Variants in RYR1 observed in about 807,000 individuals in gnomAD.
RYR1 encodes the protein central core disease of muscle.
Under a neutral mutation model 583.5 loss-of-function variants are expected in RYR1, and 342 were observed. That is an observed-to-expected ratio of 0.59 (90% CI 0.54 to 0.64). The LOEUF (loss-of-function observed/expected upper bound fraction) is 0.64. Among genes scored for constraint, RYR1 ranks in the 30% least tolerant of loss-of-function variants. The pLI is 0.00. For synonymous variants in RYR1, 2,791 were observed against 2,822.5 expected, an observed-to-expected ratio of 0.99 and a Z score of 0.35; for missense variants, 6,032 against 6,917.2, an observed-to-expected ratio of 0.87 and a Z score of 4.54.
chr19:38,494,200 A>C, intron 38 of RYR1, 152 bp from the exon 39 acceptor site: 1 of 818,684 alleles, frequency 1.2e-6, no homozygotes, highest in Non-Finnish European at 2.0e-6. Flanking sequence ...ATCTGCTAGA[A>C]TCTGCCTGCT....
intron 31 of RYR1, among the ~76,000 whole-genome samples, chr19:38,480,481 A>G (rs1968954756): frequency 6.6e-6 from 1 of 152,018 alleles, no homozygotes; most frequent in African/African-American, 2.4e-5. Context: ...TTCCACACCC[A>G]CTGGATAATT....
rs749495512 is a variant in RYR1, at chr19:38,506,341, C to T, written c.8580C>T (p.Pro2860=). 5.6e-6 allele frequency: 9 copies of T among 1,613,650 alleles called. No homozygotes were observed. In the African/African-American group the frequency reaches 9.4e-5, roughly 17 times the overall value. The stretch of plus-strand genomic sequence containing the variant: ...GAGAAGGCTACAACCCTCAGCCCCC[C>T]GACCTTAGTGCTGTTACCCTGTCCC... ...DPREGYNPQP[P]DLSAVTLSRE... Residue 2860 remains proline (P), a synonymous_variant, in exon 55 of 106, where the codon CCC becomes CCT. Coordinates refer to ENST00000359596, the MANE Select transcript of RYR1 (RefSeq NM_000540.3).
intron 96 of RYR1, among the ~76,000 whole-genome samples, chr19:38,574,588 T>C (rs1973873009): frequency 6.6e-6 from 1 of 151,842 alleles, no homozygotes; most frequent in Admixed American, 6.6e-5. Flanking sequence ...GCTATGATTA[T>C]GCCACTGTCC....
intron 67 of RYR1, among the ~76,000 whole-genome samples, chr19:38,520,178 G>A (rs752648781): frequency 6.7e-6 from 1 of 150,252 alleles, no homozygotes; most frequent in Non-Finnish European, 1.5e-5. Flanking sequence ...GGGTTCAAGC[G>A]ATCCTCTGCT....
Position 38,473,770 on chromosome 19 carries a change from G to A in RYR1, c.4159G>A (p.Gly1387Ser), listed in dbSNP as rs1171218244. The A allele has an allele frequency of 1.3e-6, 2 of 1,523,208 alleles. No individual in the cohort carries two copies. The highest frequency in any genetic ancestry group is 1.8e-6 in the Non-Finnish European group (2 of 1,133,834). 94.4% of individuals were successfully genotyped at this position (1,523,208 alleles called of 1,614,324 possible). The stretch of plus-strand genomic sequence containing the variant: ...CACCACCGAGAAGAACAAGAAGAGA[G>A]GGTGAGTCGAGGGGGGCCCAGAGTG... Reference protein sequence around the residue: ...DATTEKNKKRGFLFKAKKVAM... With the variant: ...DATTEKNKKRSFLFKAKKVAM... Residue 1387 changes from glycine (G) to serine (S), a missense_variant and splice_region_variant, in exon 28 of 106, where the codon GGC becomes AGC. Gly to Ser is a moderately conservative substitution (Grantham distance 56, BLOSUM62 0). Transcript: ENST00000359596.
intron 30 of RYR1, 24 bp downstream of exon 30, chr19:38,477,894 G>GGGGGGGGT: frequency 9.2e-7 from 1 of 1,083,054 alleles, no homozygotes. Context: ...GGGGAGGTGG[G>GGGGGGGGT]AGGTGCAGGG....
In RYR1 at chr19:38,565,421, T is replaced by G. The variant is rs1445849233; in HGVS notation, c.13087T>G (p.Phe4363Val). ...GALGLLWGSL[F>V]GGGLVEGAKK... is the part of the protein sequence containing the mutation. ...GCTGGGCCTGCTCTGGGGCTCGCTGTTCGGCGGCGGCCTGGTGGAGGGCGC... is the reference window on the plus strand; with the variant it reads ...GCTGGGCCTGCTCTGGGGCTCGCTGGTCGGCGGCGGCCTGGTGGAGGGCGC... The change falls in exon 91 of 106, where the codon TTC becomes GTC. Residue 4363 changes from phenylalanine to valine, a missense_variant. Around this residue, in one of 11 missense-constraint regions of RYR1, gnomAD observed 753 missense variants for 759.6 expected, o/e 0.99. Coordinates refer to ENST00000359596, the MANE Select transcript of RYR1 (RefSeq NM_000540.3). The surrounding 1 kb of genome is among the most constrained non-coding windows in gnomAD (Gnocchi z 4.7). 5.4e-6 allele frequency: 8 copies of G among 1,485,692 alleles called. No homozygotes were observed. In the East Asian group the frequency reaches 2.3e-4, roughly 43 times the overall value. The allele number at this position is 1,485,692 out of a possible 1,614,324, so 92.0% of individuals were successfully genotyped here. A position where few individuals can be genotyped will look rare whatever the true frequency, so the allele number is the denominator to read the frequency against.
At chr19:38,459,059 G>A (rs918469175) in intron 18 of RYR1, 87 bp from the exon 19 acceptor site, 1 of 1,187,614 alleles carries the variant, frequency 8.4e-7, no homozygotes, top group Non-Finnish European at 1.2e-6. Flanking sequence ...ATCTCCACAG[G>A]AGCCTCCAAT....
rs568187779 is a variant in RYR1, at chr19:38,529,477, C to T, written c.11141+420C>T. Among the ~76,000 whole-genome samples the T allele has an allele frequency of 2.0e-5, 3 of 152,162 alleles. No homozygotes were observed. In the East Asian group the frequency reaches 5.8e-4, roughly 29 times the overall value. On this transcript the variant is annotated intron_variant, in intron 76 of 105. Coordinates refer to ENST00000359596, the MANE Select transcript of RYR1 (RefSeq NM_000540.3). ...CCTGGGCGACAGAGCGAGACTCTGT[C>T]TCAAAAAGAAAAGAAAAGGAACGTA...
intron 50 of RYR1, among the ~76,000 whole-genome samples, 176 bp from the exon 51 acceptor site, chr19:38,504,572 T>C (rs1055276613): frequency 4.6e-5 from 7 of 151,848 alleles, no homozygotes; most frequent in African/African-American, 1.5e-4. Flanking sequence ...GAGGGCAATA[T>C]GGGGATGATT....
chr19:38,462,402 A>G (rs966155665), intron 20 of RYR1, among the ~76,000 whole-genome samples: 9 of 152,028 alleles, frequency 5.9e-5, no homozygotes, highest in Admixed American at 2.0e-4. Flanking sequence ...CTGTCCCCAG[A>G]CCAGTGCCCT....
chr19:38,486,070 G>A lies in RYR1; in HGVS notation c.5415G>A (p.Glu1805=), dbSNP rs1178559935. Residue 1805 remains glutamate, a synonymous_variant, in exon 34 of 106, where the codon GAG becomes GAA. Transcript: ENST00000359596. ...PARLSPAIPL[E]ALRDKALRML... Reference sequence around the variant, plus strand: ...GCCTCAGCCCTGCCATCCCGCTGGAGGCCCTGCGGGACAAGGCACTGAGGA... The same window carrying A: ...GCCTCAGCCCTGCCATCCCGCTGGAAGCCCTGCGGGACAAGGCACTGAGGA... 1.2e-6 allele frequency: 2 copies of A among 1,612,606 alleles called. No individual in the cohort carries two copies. The highest frequency in any genetic ancestry group is 3.3e-5 in the Admixed American group (2 of 59,958).
rs771264217 is a variant in RYR1, at chr19:38,517,379, G to A, written c.9706G>A (p.Val3236Met). 4.3e-6 allele frequency: 7 copies of A among 1,613,794 alleles called. No individual in the cohort carries two copies. The Admixed American group carries it at 1.0e-4, about 23-fold the overall frequency. ...ERAILGLPNS[V>M]EEMCPDIPVL... ...CCCAGTCCTGGGGCTCCCCAACAGT[G>A]TGGAGGAGATGTGTCCCGACATCCC... Residue 3236 changes from valine (V) to methionine (M), a missense_variant, in exon 66 of 106, where the codon GTG becomes ATG. Around this residue, in one of 11 missense-constraint regions of RYR1, gnomAD observed 1,493 missense variants for 1,715.5 expected, o/e 0.87. Coordinates refer to ENST00000359596, the MANE Select transcript of RYR1 (RefSeq NM_000540.3).
At chr19:38,446,285 C>T (rs1972937391) in intron 7 of RYR1, among the ~76,000 whole-genome samples, 187 bp from the exon 8 acceptor site, 1 of 152,144 alleles carries the variant, frequency 6.6e-6, no homozygotes, top group Non-Finnish European at 1.5e-5. Flanking sequence ...CCCCAAGTCT[C>T]ATATCCCCAC....
At chr19:38,474,158 G>T (rs1191015172) in intron 28 of RYR1, among the ~76,000 whole-genome samples, 6 of 152,180 alleles carry the variant, frequency 3.9e-5, no homozygotes, top group Admixed American at 3.3e-4. Context: ...TCTAAATGGG[G>T]ATCCTTTCTG....
At position 38,469,154 on chromosome 19, in the gene RYR1, C is replaced by A. The variant is rs1600719307; in HGVS notation, c.3556+14C>A. On this transcript the variant is annotated intron_variant, in intron 26 of 105. Transcript: ENST00000359596. ...AGATTGGGGACGGTGAGGGCTGAGA[C>A]CCCTTCACATGCCCTTTCTTGTTTT... The A allele has an allele frequency of 6.2e-7, 1 of 1,614,070 alleles. No homozygotes were observed. The highest frequency in any genetic ancestry group is 8.5e-7 in the Non-Finnish European group (1 of 1,179,958).
At chr19:38,519,110 C>T (rs1600897233) in intron 66 of RYR1, 104 bp from the exon 67 acceptor site, 1 of 1,586,644 alleles carries the variant, frequency 6.3e-7, no homozygotes, top group East Asian at 2.2e-5. Flanking sequence ...GGTCAAATGG[C>T]AGCTGCTAGG....
rs150507851 is a variant in RYR1 at position 38,472,706 on chromosome 19, C to T, written c.3766-671C>T. On this transcript the variant is annotated intron_variant, in intron 27 of 105. Coordinates refer to ENST00000359596, the MANE Select transcript of RYR1 (RefSeq NM_000540.3). ...CAGCCTGGGCAACATGGTGAAACCC[C>T]GTCTCTACCAAAAATACAAAAATTA... 9.9e-3 allele frequency among the ~76,000 whole-genome samples: 1,503 copies of T among 151,604 alleles called. 31 individuals are homozygous for T. The highest frequency in any genetic ancestry group is 0.033 in the African/African-American group (1,382 of 41,354).
chr19:38,442,251 AGT>A (rs906818883), intron 2 of RYR1, 96 bp from the exon 3 acceptor site: 1 of 824,936 alleles, frequency 1.2e-6, no homozygotes, highest in Non-Finnish European at 2.1e-6. Context: ...GCGTCTCAAG[AGT>A]GTGGGCATCC....
Sources: gnomAD v4.1 joint callset for allele counts (sites outside exome capture counted in the v4.1 genomes callset) on GRCh38, gnomAD v4.1.1 for gene constraint, gnomAD v4.1.1 regional missense constraint, Gnocchi (gnomAD v3.1) non-coding constraint, MANE v1.5 for transcripts, NCBI Gene and HGNC (gene_info 2026-07-23, HGNC 2026-07-21) for gene names.